RGS5: variants seen among roughly 807,000 people sequenced by gnomAD.
RGS5 encodes the protein regulator of G-protein signalling 5.
Under a neutral mutation model 18.9 loss-of-function variants are expected in RGS5, and 20 were observed. The observed-to-expected ratio is 1.06, with a 90% confidence interval of 0.74 to 1.54. The LOEUF (loss-of-function observed/expected upper bound fraction) is 1.54, where lower values mean the gene tolerates loss of function less well. Ranked by LOEUF, RGS5 falls within the 40% of genes most tolerant of loss-of-function variation. RGS5 has a pLI of 0.00. For missense variants in RGS5, 201 were observed against 211.8 expected (o/e 0.95, Z 0.32); for synonymous variants, 57 against 76.2 (o/e 0.75, Z 1.31).
At chr1:163,161,380 C>T (rs190022976) in intron 3 of RGS5, among the ~76,000 whole-genome samples, 1 of 152,220 alleles carries the variant, frequency 6.6e-6, no homozygotes, top group East Asian at 1.9e-4. Flanking sequence ...CTGATCAGCA[C>T]CTTTGTCATT....
chr1:163,271,478 A>C (rs1648715660), intron 2 of RGS5, among the ~76,000 whole-genome samples: 1 of 152,198 alleles, frequency 6.6e-6, no homozygotes, highest in South Asian at 2.1e-4. Context: ...GAAGGCCCTC[A>C]CCAGATAGAG....
chr1:163,249,992 G>A (rs1440835863), intron 2 of RGS5, among the ~76,000 whole-genome samples: 7 of 152,036 alleles, frequency 4.6e-5, no homozygotes, highest in Non-Finnish European at 1.0e-4. Context: ...CTGTTGTTAG[G>A]TACATCACTG....
upstream of RGS5, among the ~76,000 whole-genome samples, chr1:163,218,384 A>G (rs1660263997): frequency 6.6e-6 from 1 of 152,190 alleles, no homozygotes; most frequent in Non-Finnish European, 1.5e-5. Flanking sequence ...GTTGTTACAA[A>G]TATCTTAAAA....
At chr1:163,314,427 A>AT in intron 1 of RGS5, among the ~76,000 whole-genome samples, 1 of 152,198 alleles carries the variant, frequency 6.6e-6, no homozygotes, top group East Asian at 1.9e-4. Flanking sequence ...CTTAGAAGTG[A>AT]TTTTCTCCTA....
intron 2 of RGS5, among the ~76,000 whole-genome samples, chr1:163,280,743 T>C (rs1171543956): frequency 1.3e-5 from 2 of 152,048 alleles, no homozygotes; most frequent in Non-Finnish European, 2.9e-5. Context: ...ACACATTCAA[T>C]GCATTCTTCA....
chr1:163,165,643 C>T (rs548728124), intron 2 of RGS5, among the ~76,000 whole-genome samples: 26 of 152,084 alleles, frequency 1.7e-4, no homozygotes, highest in African/African-American at 4.8e-4. Flanking sequence ...TGGTGGCTCA[C>T]GCCTGTAATC....
At position 163,146,031 on chromosome 1, in the gene RGS5, A is replaced by T. The variant is rs1179126989; in HGVS notation, c.*1311T>A. On this transcript the variant is annotated 3_prime_UTR_variant, in exon 5 of 5. Transcript: ENST00000313961. ...AATTCTGTGAATCATTATTTAATCA[A>T]ATCTACTAAAGATTAGAAAAAATTC... The T allele has an allele frequency of 6.6e-6, 1 of 152,164 alleles. No individual in the cohort carries two copies. Among genetic ancestry groups the T allele is most frequent in the Non-Finnish European group, 1.5e-5 (1 of 68,016 alleles). 9.4% of individuals were successfully genotyped at this position (152,164 alleles called of 1,614,324 possible).
At chr1:163,177,336 CTGAG>C (rs1427987004) in intron 1 of RGS5, among the ~76,000 whole-genome samples, 2 of 152,192 alleles carry the variant, frequency 1.3e-5, no homozygotes, top group Non-Finnish European at 2.9e-5. Flanking sequence ...ATTATTGTAT[CTGAG>C]CAAACCCTTC....
At chr1:163,222,977 T>C (rs1647262792) in intron 2 of RGS5, among the ~76,000 whole-genome samples, 1 of 152,166 alleles carries the variant, frequency 6.6e-6, no homozygotes, top group South Asian at 2.1e-4. Context: ...CCCAAGTAGC[T>C]GTGATTACAG....
At chr1:163,210,271 T>A (rs777463255) in intron 1 of RGS5, among the ~76,000 whole-genome samples, 1 of 152,198 alleles carries the variant, frequency 6.6e-6, no homozygotes, top group Non-Finnish European at 1.5e-5. Context: ...AATGCTGGGC[T>A]TACAGGCACA....
chr1:163,217,665 T>C (rs1660248209), upstream of RGS5: 3 of 1,493,390 alleles, frequency 2.0e-6, no homozygotes, highest in African/African-American at 2.8e-5. Context: ...TTAGAATTTG[T>C]TTTGGGAAAC....
chr1:163,310,642 GA>G (rs1649831562), intron 1 of RGS5, among the ~76,000 whole-genome samples: 1 of 146,620 alleles, frequency 6.8e-6, no homozygotes, highest in Non-Finnish European at 1.5e-5. Context: ...TGTCTACATT[GA>G]AAATCTGTTG....
chr1:163,274,988 C>T (rs535903160), intron 2 of RGS5, among the ~76,000 whole-genome samples: 2 of 152,234 alleles, frequency 1.3e-5, no homozygotes, highest in South Asian at 2.1e-4. Context: ...TGGTAGTGCA[C>T]ACCTGCAGTC....
chr1:163,266,177 C>T (rs1046203984), intron 2 of RGS5, among the ~76,000 whole-genome samples: 4 of 152,096 alleles, frequency 2.6e-5, no homozygotes, highest in African/African-American at 4.8e-5. Flanking sequence ...AAGACCCAGA[C>T]CCCGGCATCT....
chr1:163,216,052 C>G (rs1198796419), intron 1 of RGS5, among the ~76,000 whole-genome samples: 1 of 152,162 alleles, frequency 6.6e-6, no homozygotes, highest in Non-Finnish European at 1.5e-5. Flanking sequence ...TTCAGTGGAG[C>G]ACTGATTCTG....
chr1:163,265,888 C>G (rs779139933), intron 2 of RGS5, among the ~76,000 whole-genome samples: 10 of 152,276 alleles, frequency 6.6e-5, no homozygotes, highest in African/African-American at 2.4e-4. Context: ...CCAAGGTTCT[C>G]CATCCCTGGC....
chr1:163,263,302 C>A (rs150673447), intron 2 of RGS5, among the ~76,000 whole-genome samples: 238 of 152,298 alleles, frequency 1.6e-3, no homozygotes, highest in African/African-American at 5.3e-3. Context: ...TCAGCCCTGT[C>A]CATATTCAAG....
intron 2 of RGS5, chr1:163,162,715 T>G (rs367794746): frequency 2.1e-4 from 32 of 152,170 alleles, no homozygotes; most frequent in Middle Eastern, 3.2e-3. Context: ...TTAGGCTGTT[T>G]CTATTTTAAC....
At chr1:163,286,542 A>T (rs1010559995) in intron 2 of RGS5, among the ~76,000 whole-genome samples, 1 of 151,854 alleles carries the variant, frequency 6.6e-6, no homozygotes, top group Non-Finnish European at 1.5e-5. Context: ...TTATAAAATG[A>T]TTATCTCCCT....
Sources: allele counts gnomAD v4.1 joint callset (sites outside exome capture counted in the v4.1 genomes callset), GRCh38; gene constraint gnomAD v4.1.1; transcripts MANE v1.5; gene names NCBI Gene and HGNC (gene_info 2026-07-23, HGNC 2026-07-21).